STX8: variants seen among roughly 807,000 people sequenced by gnomAD.
STX8 encodes syntaxin-8.
In STX8, 23 loss-of-function variants were observed where a neutral mutation model predicts 37.5. That is an observed-to-expected ratio of 0.61 (90% confidence interval 0.44 to 0.87). STX8 has a LOEUF of 0.87. Among genes scored for constraint, STX8 ranks in the 40% least tolerant of loss-of-function variants. STX8 has a pLI of 0.00. For synonymous variants in STX8, 115 were observed against 99.1 expected (o/e 1.16, Z -0.95); for missense variants, 313 against 284.7 (o/e 1.10, Z -0.71).
chr17:9,460,557 C>T (rs1311566070), intron 6 of STX8, among the ~76,000 whole-genome samples: 1 of 151,386 alleles, frequency 6.6e-6, no homozygotes, highest in African/African-American at 2.4e-5. Flanking sequence ...CCTGTAGTCC[C>T]AGCTACTCAG....
chr17:9,482,221 C>T (rs1385959587), intron 6 of STX8, among the ~76,000 whole-genome samples: 1 of 152,118 alleles, frequency 6.6e-6, no homozygotes, highest in East Asian at 1.9e-4. Flanking sequence ...GTTTCTCAAA[C>T]TTCAGCATTT....
chr17:9,311,521 G>A (rs190341192), intron 7 of STX8, among the ~76,000 whole-genome samples: 194 of 152,262 alleles, frequency 1.3e-3, no homozygotes, highest in African/African-American at 4.4e-3. Flanking sequence ...AGAAAGAAAT[G>A]TTTTTAATAT....
At chr17:9,454,729 T>G (rs1381568704) in intron 6 of STX8, among the ~76,000 whole-genome samples, 4 of 151,478 alleles carry the variant, frequency 2.6e-5, no homozygotes, top group South Asian at 2.1e-4. Flanking sequence ...CTATTTTCCA[T>G]TTAATATATT....
At chr17:9,398,009 G>T (rs994116405) in intron 6 of STX8, among the ~76,000 whole-genome samples, 5 of 122,994 alleles carry the variant, frequency 4.1e-5, no homozygotes, top group African/African-American at 1.5e-4. Flanking sequence ...AAGAAAGAAA[G>T]AACAAACAAA....
chr17:9,325,290 G>T lies in STX8; in HGVS notation c.643+53262C>A, dbSNP rs574087489. 2.0e-5 allele frequency among the ~76,000 whole-genome samples: 3 copies of T among 152,262 alleles called. No homozygotes were observed. In the East Asian group the frequency reaches 5.8e-4, roughly 29 times the overall value. ...ATCTGTAATTATAGTTATACCTCAA[G>T]TTGTGAATAGGAATAAACCAACCAT... On this transcript the variant is annotated intron_variant, in intron 7 of 7. Transcript: ENST00000306357.
At chr17:9,462,678 A>ACAC (rs375511357) in intron 6 of STX8, among the ~76,000 whole-genome samples, 12 of 152,090 alleles carry the variant, frequency 7.9e-5, no homozygotes, top group African/African-American at 2.9e-4. Context: ...AGCCGAGATC[A>ACAC]CACCACTGCA....
intron 7 of STX8, among the ~76,000 whole-genome samples, chr17:9,315,359 T>C (rs934211700): frequency 6.6e-6 from 1 of 151,838 alleles, no homozygotes; most frequent in African/African-American, 2.4e-5. Context: ...CTGACCAGCA[T>C]TCCCTCCTGG....
intron 6 of STX8, among the ~76,000 whole-genome samples, chr17:9,427,175 C>A (rs1219425147): frequency 6.6e-6 from 1 of 152,140 alleles, no homozygotes; most frequent in East Asian, 1.9e-4. Flanking sequence ...CTCAAGGATG[C>A]CCAAATACAT....
chr17:9,256,189 G>T (rs7225758), intron 7 of STX8, among the ~76,000 whole-genome samples: 1 of 152,172 alleles, frequency 6.6e-6, no homozygotes, highest in African/African-American at 2.4e-5. Context: ...GCCCTCTGGC[G>T]GGTAAGAGGA....
intron 7 of STX8, among the ~76,000 whole-genome samples, chr17:9,309,383 TG>T (rs1313647279): frequency 6.6e-6 from 1 of 152,176 alleles, no homozygotes; most frequent in Non-Finnish European, 1.5e-5. Context: ...GGCTTCTTCT[TG>T]AAAGGCTCAC....
intron 3 of STX8, among the ~76,000 whole-genome samples, chr17:9,552,641 T>C (rs1906809909): frequency 6.6e-6 from 1 of 151,802 alleles, no homozygotes; most frequent in Non-Finnish European, 1.5e-5. Flanking sequence ...AGAAAATTTA[T>C]TTATAGATTT....
chr17:9,557,632 A>T, intron 2 of STX8, 104 bp from the exon 3 acceptor site: 1 of 959,984 alleles, frequency 1.0e-6, no homozygotes, highest in Non-Finnish European at 1.6e-6. Context: ...CAACCAAGCA[A>T]GGGCTGGAAG....
intron 6 of STX8, among the ~76,000 whole-genome samples, chr17:9,405,743 A>G (rs1912779818): frequency 6.6e-6 from 1 of 152,166 alleles, no homozygotes; most frequent in East Asian, 1.9e-4. Flanking sequence ...TCTCCTTGAT[A>G]ATTTTCTTAA....
At chr17:9,544,529 G>T (rs1459877085) in intron 4 of STX8, among the ~76,000 whole-genome samples, 4 of 151,750 alleles carry the variant, frequency 2.6e-5, no homozygotes, top group African/African-American at 9.7e-5. Context: ...AAACTGCTTT[G>T]CCCACACAGA....
intron 4 of STX8, among the ~76,000 whole-genome samples, chr17:9,508,620 T>C (rs1009126531): frequency 7.2e-5 from 11 of 152,166 alleles, no homozygotes; most frequent in Admixed American, 2.0e-4. Context: ...TGAGCCACCA[T>C]GCGTGGCTGA....
chr17:9,323,157 T>G (rs867374317), intron 7 of STX8, among the ~76,000 whole-genome samples: 36 of 152,184 alleles, frequency 2.4e-4, no homozygotes, highest in African/African-American at 7.7e-4. Flanking sequence ...CTTAAACAGA[T>G]GCCAATGCTT....
intron 6 of STX8, among the ~76,000 whole-genome samples, chr17:9,384,639 C>CAAACAAAACA (rs550738095): frequency 4.6e-5 from 7 of 151,714 alleles, no homozygotes; most frequent in African/African-American, 1.2e-4. Flanking sequence ...GACTCCATCT[C>CAAACAAAACA]AAACAAAACA....
At chr17:9,566,302 T>C (rs1187310689) in intron 2 of STX8, among the ~76,000 whole-genome samples, 1 of 152,112 alleles carries the variant, frequency 6.6e-6, no homozygotes, top group Non-Finnish European at 1.5e-5. Flanking sequence ...AGTCAAAAAA[T>C]AACAGATGCT....
At chr17:9,279,334 C>G (rs1907797973) in intron 7 of STX8, among the ~76,000 whole-genome samples, 1 of 152,100 alleles carries the variant, frequency 6.6e-6, no homozygotes, top group Non-Finnish European at 1.5e-5. Flanking sequence ...GGTGATCCAC[C>G]CACCTTAGCC....
Sources: gnomAD v4.1 joint callset for allele counts (sites outside exome capture counted in the v4.1 genomes callset) on GRCh38, gnomAD v4.1.1 for gene constraint, MANE v1.5 for transcripts, NCBI Gene and HGNC (gene_info 2026-07-23, HGNC 2026-07-21) for gene names.